DMD: variants seen among roughly 807,000 people sequenced by gnomAD.
DMD encodes the protein dystrophin, also known as mutant dystrophin.
DMD carries 63 observed loss-of-function variants against 330.1 expected under a neutral mutation model. That is an observed-to-expected ratio of 0.19 (90% CI 0.16 to 0.24). The LOEUF is 0.24. Ranked by LOEUF, DMD falls within the 10% of genes least tolerant of loss-of-function variation. The pLI is 1.00. For missense variants in DMD, 3,344 were observed against 2,684.1 expected (o/e 1.25, Z -5.43); for synonymous variants, 1,223 against 959.8 (o/e 1.27, Z -5.07).
chrX:31,530,276 C>T (rs1015737554), intron 55 of DMD, among the ~76,000 whole-genome samples: 1 of 112,085 alleles, frequency 8.9e-6, no homozygotes, highest in South Asian at 3.7e-4. Context: ...GGATGAAGAA[C>T]TGGTTTAAAC....
intron 60 of DMD, among the ~76,000 whole-genome samples, chrX:31,356,923 C>CAT (rs1252522600): frequency 1.5e-5 from 1 of 64,882 alleles, no homozygotes. Context: ...ATTTCTTCTG[C>CAT]CTTTTTTTTT....
chrX:32,280,604 A>C (rs2148416610), intron 43 of DMD, among the ~76,000 whole-genome samples: 1 of 111,610 alleles, frequency 9.0e-6, no homozygotes, highest in South Asian at 3.8e-4. Context: ...CTTATCATGT[A>C]TCTTCCCAAC....
At chrX:31,623,424 C>A (rs937925264) in intron 55 of DMD, among the ~76,000 whole-genome samples, 1 of 110,689 alleles carries the variant, frequency 9.0e-6, no homozygotes, top group African/African-American at 3.3e-5. Flanking sequence ...CCACCACACC[C>A]GGCTAATTTT....
intron 21 of DMD, among the ~76,000 whole-genome samples, chrX:32,477,687 TAA>T (rs2041379211): frequency 9.1e-6 from 1 of 109,946 alleles, no homozygotes; most frequent in African/African-American, 3.3e-5. Context: ...ACTATCGAGA[TAA>T]AGAGATACCA....
At chrX:32,389,750 A>G in intron 31 of DMD, 76 bp from the exon 32 acceptor site, 3 of 965,319 alleles carry the variant, frequency 3.1e-6, no homozygotes, top group Non-Finnish European at 4.4e-6. Flanking sequence ...TTATTGATAG[A>G]TCTGCCTTTA....
intron 2 of DMD, among the ~76,000 whole-genome samples, chrX:33,011,626 A>G (rs767911700): frequency 8.7e-4 from 97 of 112,106 alleles, no homozygotes; most frequent in African/African-American, 3.0e-3. Context: ...AGGGAAAACC[A>G]TGTTGGGTTA....
chrX:31,215,181 T>C (rs1026063519), intron 64 of DMD, among the ~76,000 whole-genome samples: 3 of 109,302 alleles, frequency 2.7e-5, no homozygotes, highest in African/African-American at 1.0e-4. Context: ...GACCTCGTGA[T>C]CTGCCTGCCT....
chrX:32,043,377 A>G (rs2096028138), intron 44 of DMD, among the ~76,000 whole-genome samples: 1 of 102,163 alleles, frequency 9.8e-6, no homozygotes, highest in Non-Finnish European at 2.1e-5. Context: ...CATATGTTCA[A>G]TAAAAAATCA....
At chrX:31,917,300 A>G (rs1418635888) in intron 47 of DMD, among the ~76,000 whole-genome samples, 1 of 112,184 alleles carries the variant, frequency 8.9e-6, no homozygotes, top group Non-Finnish European at 1.9e-5. Context: ...AATGAAACCA[A>G]TCTTACCATA....
At chrX:31,743,848 A>G (rs1448459560) in intron 51 of DMD, among the ~76,000 whole-genome samples, 1 of 110,989 alleles carries the variant, frequency 9.0e-6, no homozygotes, top group Non-Finnish European at 1.9e-5. Context: ...TCAAAGTTGA[A>G]AAAATGTTTG....
At chrX:32,982,243 A>G (rs111430558) in intron 2 of DMD, among the ~76,000 whole-genome samples, 1,414 of 111,714 alleles carry the variant, frequency 0.013, 28 homozygotes, top group African/African-American at 0.044. Flanking sequence ...TTATAATACT[A>G]AGTGCAAATT....
At chrX:31,722,557 G>A (rs2085649421) in intron 52 of DMD, among the ~76,000 whole-genome samples, 1 of 111,518 alleles carries the variant, frequency 9.0e-6, no homozygotes, top group Admixed American at 9.6e-5. Flanking sequence ...AAGGCAAACA[G>A]TAATGGCTAA....
At chrX:33,116,420 G>A (rs1192644197) in intron 1 of DMD, among the ~76,000 whole-genome samples, 1 of 110,182 alleles carries the variant, frequency 9.1e-6, no homozygotes. Flanking sequence ...GAGGTGGGAG[G>A]ATCACTTGAA....
chrX:31,867,332 A>G (rs1212327623), intron 48 of DMD, among the ~76,000 whole-genome samples: 1 of 110,291 alleles, frequency 9.1e-6, no homozygotes, highest in African/African-American at 3.3e-5. Context: ...CTCTTTGGAA[A>G]GAACTAAAAA....
At chrX:31,805,971 T>C (rs1455058105) in intron 50 of DMD, among the ~76,000 whole-genome samples, 1 of 112,338 alleles carries the variant, frequency 8.9e-6, no homozygotes. Context: ...ACACTTTTAT[T>C]GGAACACAGC....
At chrX:31,273,163 C>T (rs56204008) in intron 62 of DMD, among the ~76,000 whole-genome samples, 10 of 111,748 alleles carry the variant, frequency 8.9e-5, no homozygotes, top group Non-Finnish European at 1.9e-4. Context: ...AAAAAATCAA[C>T]GCAGCTTTAG....
intron 4 of DMD, among the ~76,000 whole-genome samples, chrX:32,837,725 T>C (rs1173740900): frequency 8.9e-6 from 1 of 111,900 alleles, no homozygotes; most frequent in Non-Finnish European, 1.9e-5. Context: ...AATGTATCAC[T>C]TGGTTGCCTC....
intron 45 of DMD, among the ~76,000 whole-genome samples, chrX:31,936,959 G>A (rs2094932204): frequency 1.8e-5 from 2 of 110,747 alleles, no homozygotes; most frequent in Non-Finnish European, 3.8e-5. Flanking sequence ...TTTTGTGACA[G>A]TAATGCACTA....
In DMD at chrX:31,627,851, C is replaced by T. The variant is rs778303577; in HGVS notation, c.8039G>A (p.Arg2680Gln). 8 of 1,205,572 alleles carry T rather than the reference C, an allele frequency of 6.6e-6. No individual in the cohort carries two copies. Among genetic ancestry groups the T allele is most frequent in the South Asian group, 1.8e-5 (1 of 56,086 alleles). ...ATGAGTTTCTTCCAAAGCAGCCTCT[C>T]GCTCACTCACCCTGCAAAGGACCAA... Reference protein sequence around the residue: ...WRSIHKRVSEREAALEETHRL... With the variant: ...WRSIHKRVSEQEAALEETHRL... Residue 2680 changes from arginine to glutamine, a missense_variant, in exon 55 of 79, where the codon CGA (arginine) becomes CAA (glutamine). By Grantham distance (43) the Arg-to-Gln change is conservative. Coordinates refer to ENST00000357033, the MANE Select transcript of DMD (RefSeq NM_004006.3).
Sources: gnomAD v4.1 joint callset for allele counts (sites outside exome capture counted in the v4.1 genomes callset) on GRCh38, gnomAD v4.1.1 for gene constraint, MANE v1.5 for transcripts, NCBI Gene and HGNC (gene_info 2026-07-23, HGNC 2026-07-21) for gene names.